IL3RA: variants seen among roughly 807,000 people sequenced by gnomAD.
IL3RA encodes the protein interleukin 3 receptor subunit alpha, also known as interleukin-3 receptor subunit alpha.
A neutral mutation model predicts 52.3 loss-of-function variants in IL3RA; 73 were observed. That is an observed-to-expected ratio of 1.40 (90% CI 1.16 to 1.70). IL3RA has a LOEUF of 1.70. IL3RA is among the 40% of genes most tolerant of loss of function. The pLI is 0.00. For missense variants in IL3RA, 664 were observed against 504.4 expected, an observed-to-expected ratio of 1.32 and a Z score of -3.03; for synonymous variants, 260 against 194.0, an observed-to-expected ratio of 1.34 and a Z score of -2.83.
chrX:1,367,866 GCAAA>G (rs2088279015), intron 9 of IL3RA, among the ~76,000 whole-genome samples: 2 of 151,516 alleles, frequency 1.3e-5, no homozygotes, highest in Admixed American at 6.6e-5. Flanking sequence ...CTCCTCTCCT[GCAAA>G]GGAGAGGAGA....
chrX:1,338,681 G>A (rs7056192), intron 1 of IL3RA, among the ~76,000 whole-genome samples: 32,050 of 152,154 alleles, frequency 0.21, 3,501 homozygotes, highest in Middle Eastern at 0.26. Context: ...TCCAGATACA[G>A]GCAAATCCAC....
chrX:1,347,468 C>T (rs1368119058), intron 3 of IL3RA, among the ~76,000 whole-genome samples: 1 of 150,664 alleles, frequency 6.6e-6, no homozygotes, highest in Non-Finnish European at 1.5e-5. Context: ...CAAAAGCAAA[C>T]AAAACGAAGA....
In IL3RA at chrX:1,381,216, T is replaced by G; in HGVS notation, c.1062+112T>G. 3.4e-6 allele frequency: 3 copies of G among 887,590 alleles called. No individual in the cohort carries two copies. In the South Asian group the frequency reaches 4.1e-5, roughly 12 times the overall value. 55.0% of individuals were successfully genotyped at this position (887,590 alleles called of 1,614,324 possible). ...GAACTGGAGACCAGCCTGGCCAACA[T>G]GGAGAAACTCCGTGTCTACTAAAAA... On this transcript the variant is annotated intron_variant, in intron 11 of 11. Coordinates refer to ENST00000331035, the MANE Select transcript of IL3RA (RefSeq NM_002183.4).
chrX:1,362,334 T>TCC (rs1212730951), intron 8 of IL3RA, among the ~76,000 whole-genome samples: 4 of 151,322 alleles, frequency 2.6e-5, no homozygotes, highest in Non-Finnish European at 5.9e-5. Flanking sequence ...TCTCCCTGTC[T>TCC]GTTTCTATCT....
intron 8 of IL3RA, among the ~76,000 whole-genome samples, chrX:1,362,862 G>A (rs1248752010): frequency 2.0e-4 from 30 of 152,050 alleles, no homozygotes; most frequent in African/African-American, 5.5e-4. Flanking sequence ...TGCAACCTCC[G>A]CCTCCCAGGT....
chrX:1,359,043 CT>C (rs1241152252), intron 8 of IL3RA, among the ~76,000 whole-genome samples, 156 bp downstream of exon 8: 34 of 152,032 alleles, frequency 2.2e-4, no homozygotes, highest in Admixed American at 3.3e-4. Flanking sequence ...TGTTCAGTGA[CT>C]TTCATTGGAC....
intron 3 of IL3RA, among the ~76,000 whole-genome samples, chrX:1,346,256 T>C (rs1171009528): frequency 2.0e-5 from 3 of 151,620 alleles, no homozygotes; most frequent in African/African-American, 7.3e-5. Context: ...CTGGGCAACA[T>C]GGTGAAACCC....
At chrX:1,349,287 T>C (rs1285146632) in intron 4 of IL3RA, among the ~76,000 whole-genome samples, 1 of 151,558 alleles carries the variant, frequency 6.6e-6, no homozygotes, top group Non-Finnish European at 1.5e-5. Context: ...GTTCAAGCGA[T>C]TCTCCTGCCT....
chrX:1,345,375 G>A lies in IL3RA; in HGVS notation c.124G>A (p.Asp42Asn), dbSNP rs2085695521. 1 of 1,611,220 alleles carries A rather than the reference G, an allele frequency of 6.2e-7. No individual in the cohort carries two copies. The highest frequency in any genetic ancestry group is 8.5e-7 in the Non-Finnish European group (1 of 1,178,260). ...MKAKAQQLTW[D>N]LNRNVTDIEC... ...AGCAAAGGCTCAGCAGTTGACCTGG[G>A]ACCTTAACAGAAATGTGACCGATAT... The change falls in exon 3 of 12, where the codon GAC (aspartate) becomes AAC (asparagine). Residue 42 changes from aspartate (D) to asparagine (N), a missense_variant. Physicochemically the swap from Asp to Asn is conservative, Grantham distance 23. Transcript: ENST00000331035.
At chrX:1,378,147 C>T (rs1228493329) in intron 9 of IL3RA, among the ~76,000 whole-genome samples, 3 of 144,770 alleles carry the variant, frequency 2.1e-5, no homozygotes, top group African/African-American at 5.1e-5. Context: ...CGTGCCACTG[C>T]ACTCCAGCCT....
At chrX:1,376,537 C>T (rs2088735881) in intron 9 of IL3RA, among the ~76,000 whole-genome samples, 1 of 108,496 alleles carries the variant, frequency 9.2e-6, no homozygotes, top group Non-Finnish European at 1.9e-5. Flanking sequence ...AGCCGCCCAG[C>T]CTCTGGTATT....
chrX:1,365,210 G>C lies in IL3RA; in HGVS notation c.832G>C (p.Val278Leu), dbSNP rs139747346. 9.8e-5 allele frequency: 158 copies of C among 1,611,352 alleles called. No homozygotes were observed. The highest frequency in any genetic ancestry group is 1.3e-4 in the Non-Finnish European group (151 of 1,179,038). Residue 278 changes from valine (V) to leucine (L), a missense_variant, in exon 9 of 12, where the codon GTG becomes CTG. Val to Leu is a conservative substitution (Grantham distance 32, BLOSUM62 1). Transcript: ENST00000331035. ...AGTACAAATAAGAGCCCGGGAAAGA[G>C]TGTATGAATTCTTGAGCGCCTGGAG... ...YTVQIRARER[V>L]YEFLSAWSTP...
chrX:1,360,718 A>C (rs1328255469), intron 8 of IL3RA, among the ~76,000 whole-genome samples: 1 of 151,018 alleles, frequency 6.6e-6, no homozygotes, highest in Non-Finnish European at 1.5e-5. Flanking sequence ...TAGTAGAGAC[A>C]GGGTTTCACT....
At position 1,348,428 on chromosome X, in the gene IL3RA, T is replaced by C. The variant is rs372281542; in HGVS notation, c.184-3T>C. On this transcript the variant is annotated splice_region_variant and splice_polypyrimidine_tract_variant and intron_variant, in intron 3 of 11. Transcript: ENST00000331035. ...AGCCATCATAGTCCTATGTCTCTCTTAGGCAGTGAACAATAGCTATTGCCA... is the reference window on the plus strand; with the variant it reads ...AGCCATCATAGTCCTATGTCTCTCTCAGGCAGTGAACAATAGCTATTGCCA... The C allele has an allele frequency of 6.2e-7, 1 of 1,604,842 alleles. No homozygotes were observed.
Position 1,378,138 on chromosome X carries a change from G to A in IL3RA, c.875-521G>A, listed in dbSNP as rs183130266. On this transcript the variant is annotated intron_variant, in intron 9 of 11. Coordinates refer to ENST00000331035, the MANE Select transcript of IL3RA (RefSeq NM_002183.4). ...GAGGTGGAGGTTGTGAGCTGAGATC[G>A]TGCCACTGCACTCCAGCCTGGGCGA... Among the ~76,000 whole-genome samples the A allele has an allele frequency of 3.0e-3, 439 of 148,464 alleles. 4 individuals are homozygous for A. Among genetic ancestry groups the A allele is most frequent in the African/African-American group, 0.01 (412 of 40,404 alleles).
chrX:1,380,643 G>T (rs1483067334), intron 10 of IL3RA, among the ~76,000 whole-genome samples: 1 of 76,286 alleles, frequency 1.3e-5, no homozygotes, highest in African/African-American at 5.0e-5. Flanking sequence ...GGGAGAGGGG[G>T]AGGGGGAGAG....
At position 1,382,530 on chromosome X, in the gene IL3RA, G is replaced by A; in HGVS notation, c.*65G>A. The A allele has an allele frequency of 2.7e-6, 4 of 1,478,642 alleles. No homozygotes were observed. The highest frequency in any genetic ancestry group is 1.1e-5 in the South Asian group (1 of 88,372). 91.6% of individuals were successfully genotyped at this position (1,478,642 alleles called of 1,614,324 possible). On this transcript the variant is annotated 3_prime_UTR_variant, in exon 12 of 12. Transcript: ENST00000331035. ...CCTGGCCGGGCCAGGCGCCTGCACA[G>A]ACTGGCTGCTGGACCTGCGCACGCA... is the stretch of plus-strand genomic sequence containing the variant.
chrX:1,379,306 A>G (rs1276519829), intron 10 of IL3RA, among the ~76,000 whole-genome samples: 3 of 151,226 alleles, frequency 2.0e-5, no homozygotes, highest in African/African-American at 7.3e-5. Flanking sequence ...CAGGTGTGCA[A>G]CACTGCACCC....
chrX:1,343,726 A>T (rs768551864), intron 2 of IL3RA, among the ~76,000 whole-genome samples: 34 of 150,466 alleles, frequency 2.3e-4, no homozygotes, highest in African/African-American at 7.8e-4. Flanking sequence ...CATTTATGAA[A>T]TATCTTGAGC....
Sources: gnomAD v4.1 joint callset for allele counts (sites outside exome capture counted in the v4.1 genomes callset) on GRCh38, gnomAD v4.1.1 for gene constraint, MANE v1.5 for transcripts, NCBI Gene and HGNC (gene_info 2026-07-23, HGNC 2026-07-21) for gene names.